Variants in MAPRE2 observed in about 807,000 individuals in gnomAD.
The protein encoded by MAPRE2 is microtubule associated protein RP/EB family member 2.
A neutral mutation model predicts 43.2 loss-of-function variants in MAPRE2; 13 were observed. The ratio of observed to expected loss-of-function variants is 0.30; its 90% CI spans 0.20 to 0.48. The LOEUF is 0.48. MAPRE2 is among the 20% of genes least tolerant of loss of function. MAPRE2 has a pLI of 0.99. For synonymous variants in MAPRE2, 135 were observed against 148.8 expected, an observed-to-expected ratio of 0.91 and a Z score of 0.68; for missense variants, 161 against 400.2, an observed-to-expected ratio of 0.40 and a Z score of 5.10.
At chr18:35,036,052 T>A (rs1317431552) in intron 2 of MAPRE2, among the ~76,000 whole-genome samples, 1 of 151,082 alleles carries the variant, frequency 6.6e-6, no homozygotes, top group East Asian at 2.0e-4. Flanking sequence ...CTTCTCTATG[T>A]CCAAAACACA....
At chr18:34,983,548 A>C (rs1478064153) in intron 1 of MAPRE2, among the ~76,000 whole-genome samples, 1 of 152,168 alleles carries the variant, frequency 6.6e-6, no homozygotes, top group East Asian at 1.9e-4. Context: ...CTTTTTATTC[A>C]CTGTCACTTC....
chr18:34,985,326 A>ATTATATACT (rs1568961622), intron 1 of MAPRE2, among the ~76,000 whole-genome samples: 2 of 37,432 alleles, frequency 5.3e-5, no homozygotes, highest in African/African-American at 1.1e-4. Context: ...TTATATATAT[A>ATTATATACT]ATATAATATA....
intron 2 of MAPRE2, among the ~76,000 whole-genome samples, chr18:35,080,091 T>C (rs1230076070): frequency 6.6e-6 from 1 of 152,220 alleles, no homozygotes; most frequent in African/African-American, 2.4e-5. Flanking sequence ...ATTTAGTGGA[T>C]GGTCAATAAA....
chr18:35,099,952 T>G (rs1415487820), intron 3 of MAPRE2, among the ~76,000 whole-genome samples: 1 of 152,216 alleles, frequency 6.6e-6, no homozygotes, highest in Non-Finnish European at 1.5e-5. Flanking sequence ...TTTTCTAAAG[T>G]GGTCCTATTG....
At chr18:34,998,314 T>A (rs2097027519) in intron 1 of MAPRE2, among the ~76,000 whole-genome samples, 1 of 150,288 alleles carries the variant, frequency 6.7e-6, no homozygotes, top group South Asian at 2.1e-4. Flanking sequence ...TACCAGCATT[T>A]TTCTCTCTCT....
intron 2 of MAPRE2, among the ~76,000 whole-genome samples, chr18:35,034,764 C>T (rs576662825): frequency 3.3e-5 from 5 of 152,332 alleles, no homozygotes; most frequent in Admixed American, 3.3e-4. Flanking sequence ...TGAAAAAATG[C>T]TCACCATCAC....
At chr18:34,998,772 A>AT (rs67933808) in intron 1 of MAPRE2, among the ~76,000 whole-genome samples, 1,446 of 93,712 alleles carry the variant, frequency 0.015, 52 homozygotes, top group East Asian at 0.03. Flanking sequence ...CGAAGTTGCA[A>AT]TTTTTTTTTT....
intron 2 of MAPRE2, among the ~76,000 whole-genome samples, chr18:35,086,126 G>A (rs1306131538): frequency 6.6e-6 from 1 of 152,046 alleles, no homozygotes. Context: ...TAGTTCCTTG[G>A]CCTGTGAGGA....
In MAPRE2 at chr18:35,109,180, A is replaced by G. The variant is rs544242570; in HGVS notation, c.610+7021A>G. 3.0e-4 allele frequency among the ~76,000 whole-genome samples: 45 copies of G among 152,284 alleles called. 1 individual carries two copies. The highest frequency in any genetic ancestry group is 7.9e-4 in the African/African-American group (33 of 41,552). On this transcript the variant is annotated intron_variant, in intron 4 of 6. Transcript: ENST00000300249. ...GGGGTTCAGTTTCAGTTTTCTGCAT[A>G]TGGCTTGCCAGTTTTCCCAGTACCA...
Position 35,070,261 on chromosome 18 carries a change from C to A in MAPRE2, c.189C>A (p.Ile63=). 1 of 1,611,222 alleles carries A rather than the reference C, an allele frequency of 6.2e-7. No homozygotes were observed. The highest frequency in any genetic ancestry group is 8.5e-7 in the Non-Finnish European group (1 of 1,178,262). ...AAGAGACTATGAGCAGACATGACAT[C>A]ATTGCATGGGTTAATGACATAGTAT... The part of the protein sequence containing the change: ...ITQETMSRHD[I]IAWVNDIVSL... The change falls in exon 2 of 7, where the codon ATC becomes ATA. Residue 63 remains isoleucine, a synonymous_variant. Coordinates refer to ENST00000300249, the MANE Select transcript of MAPRE2 (RefSeq NM_014268.4).
At chr18:35,138,442 G>T (rs187059449) in intron 6 of MAPRE2, among the ~76,000 whole-genome samples, 1 of 152,160 alleles carries the variant, frequency 6.6e-6, no homozygotes, top group African/African-American at 2.4e-5. Flanking sequence ...CACGGTAAGA[G>T]ACAATGCCAG....
At chr18:35,137,494 G>A (rs563973185) in intron 6 of MAPRE2, among the ~76,000 whole-genome samples, 53 of 152,328 alleles carry the variant, frequency 3.5e-4, no homozygotes, top group Admixed American at 4.6e-4. Flanking sequence ...CAGTTGTGAC[G>A]TGAGCAAATG....
At chr18:35,095,363 TACAC>T (rs34361204) in intron 2 of MAPRE2, among the ~76,000 whole-genome samples, 310 of 136,158 alleles carry the variant, frequency 2.3e-3, no homozygotes, top group South Asian at 8.8e-3. Flanking sequence ...TTTAAGAAAA[TACAC>T]ACACACACAC....
intron 2 of MAPRE2, among the ~76,000 whole-genome samples, chr18:35,023,398 G>A (rs1051661864): frequency 2.0e-5 from 3 of 151,870 alleles, no homozygotes; most frequent in East Asian, 3.9e-4. Flanking sequence ...TGTAGTCCCA[G>A]CTACTCGGGT....
chr18:35,044,291 C>T (rs1047089818), intron 1 of MAPRE2, among the ~76,000 whole-genome samples: 13 of 152,348 alleles, frequency 8.5e-5, no homozygotes, highest in African/African-American at 2.9e-4. Flanking sequence ...CATGTAATGG[C>T]GCAATCTCTG....
At chr18:35,009,610 A>C (rs796786111) in intron 2 of MAPRE2, among the ~76,000 whole-genome samples, 1 of 152,156 alleles carries the variant, frequency 6.6e-6, no homozygotes, top group Non-Finnish European at 1.5e-5. Flanking sequence ...ACTTGTACTG[A>C]CCAACATTCC....
At chr18:35,054,572 G>T (rs1390423018) in intron 1 of MAPRE2, among the ~76,000 whole-genome samples, 2 of 152,194 alleles carry the variant, frequency 1.3e-5, no homozygotes, top group Admixed American at 1.3e-4. Context: ...GATCCCTTGA[G>T]AGTTGCGAGT....
At chr18:34,999,764 C>T (rs1299067546) in intron 1 of MAPRE2, among the ~76,000 whole-genome samples, 1 of 152,178 alleles carries the variant, frequency 6.6e-6, no homozygotes, top group East Asian at 1.9e-4. Flanking sequence ...TCAGTGTAAT[C>T]TGACCTCCTT....
chr18:35,140,679 C>A lies in MAPRE2; in HGVS notation c.*310C>A. The A allele has an allele frequency of 2.9e-6, 1 of 344,036 alleles. No individual in the cohort carries two copies. The highest frequency in any genetic ancestry group is 5.3e-6 in the Non-Finnish European group (1 of 187,842). The allele number at this position is 344,036 out of a possible 1,614,324, so 21.3% of individuals were successfully genotyped here. A position where few individuals can be genotyped will look rare whatever the true frequency, so the allele number is the denominator to read the frequency against. ...TTTCCAGAACAACTCTTTCCCACCC[C>A]AACACCACTGCCACCACCCCTCTTT... On this transcript the variant is annotated 3_prime_UTR_variant, in exon 7 of 7. Coordinates refer to ENST00000300249, the MANE Select transcript of MAPRE2 (RefSeq NM_014268.4).
Sources: gnomAD v4.1 joint callset for allele counts (sites outside exome capture counted in the v4.1 genomes callset) on GRCh38, gnomAD v4.1.1 for gene constraint, MANE v1.5 for transcripts, NCBI Gene and HGNC (gene_info 2026-07-23, HGNC 2026-07-21) for gene names.